The following ARMC2 variants were observed in gnomAD, a reference collection of about 807,000 sequenced individuals.
The protein encoded by ARMC2 is armadillo repeat-containing protein 2.
Under a neutral mutation model 90.3 loss-of-function variants are expected in ARMC2, and 67 were observed. The observed-to-expected ratio is 0.74, with a 90% confidence interval of 0.61 to 0.91. The LOEUF (loss-of-function observed/expected upper bound fraction) is 0.91. ARMC2 is among the 40% of genes least tolerant of loss of function. ARMC2 has a pLI of 0.00. For synonymous variants in ARMC2, 393 were observed against 393.0 expected (o/e 1.00, Z 0.00); for missense variants, 920 against 1,030.9 (o/e 0.89, Z 1.47).
chr6:108,853,643 G>A (rs1425132638), intron 1 of ARMC2, among the ~76,000 whole-genome samples: 8 of 152,104 alleles, frequency 5.3e-5, no homozygotes, highest in Admixed American at 5.2e-4. Flanking sequence ...TTTCAGGAAG[G>A]GGTGTTGGGA....
chr6:108,942,126 A>G (rs1776490732), intron 12 of ARMC2, among the ~76,000 whole-genome samples: 1 of 152,228 alleles, frequency 6.6e-6, no homozygotes, highest in South Asian at 2.1e-4. Flanking sequence ...GTTCCTAAAC[A>G]ACACAGACTT....
intron 11 of ARMC2, among the ~76,000 whole-genome samples, chr6:108,928,744 G>C (rs1219435293): frequency 6.6e-6 from 1 of 152,126 alleles, no homozygotes; most frequent in African/African-American, 2.4e-5. Flanking sequence ...TTTGAATCCA[G>C]GTTGCCTCCA....
At chr6:108,988,707 G>A in the ARMC2 span, 1 of 1,565,400 alleles carries the variant, frequency 6.4e-7, no homozygotes, top group African/African-American at 1.4e-5. Flanking sequence ...GACATAATGA[G>A]AATTATGATA....
chr6:108,858,070 A>C (rs1211780551), intron 2 of ARMC2, 129 bp from the exon 3 acceptor site: 1 of 580,608 alleles, frequency 1.7e-6, no homozygotes, highest in Admixed American at 3.1e-5. Context: ...TAACATGAAA[A>C]AATGTTTTTC....
At position 108,953,143 on chromosome 6, in the gene ARMC2, AT is replaced by A; in HGVS notation, c.1709del (p.Phe570SerfsTer38). The A allele has an allele frequency of 6.2e-7, 1 of 1,614,070 alleles. No homozygotes were observed. The highest frequency in any genetic ancestry group is 8.5e-7 in the Non-Finnish European group (1 of 1,179,902). On this transcript the variant is annotated frameshift_variant, in exon 13 of 18. Transcript: ENST00000392644. LOFTEE classifies it high-confidence loss of function. ...GGAGCATCCAAACTCTGCTGTCATT[AT>A]TCCAGACGTTCCATCAGCTGGATCT... is the stretch of plus-strand genomic sequence containing the variant. Reference protein sequence around the residue: ...KGSIQTLLSLFQTFHQLDLHS... With the variant: ...KGSIQTLLSLXQTFHQLDLHS...
chr6:108,870,301 T>C lies in ARMC2; in HGVS notation c.463+1306T>C, dbSNP rs149170673. Among the ~76,000 whole-genome samples the C allele has an allele frequency of 2.7e-3, 411 of 152,206 alleles. 4 individuals carry two copies. Among genetic ancestry groups the C allele is most frequent in the Admixed American group, 0.026 (392 of 15,280 alleles). On this transcript the variant is annotated intron_variant, in intron 4 of 17. Coordinates refer to ENST00000392644, the MANE Select transcript of ARMC2 (RefSeq NM_032131.6). ...AAGAATCCAGATTTATGACTTCTTG[T>C]GAAAAATCAGAAAATCTGGCAACAC...
chr6:108,979,792 G>C, the ARMC2 span, among the ~76,000 whole-genome samples: 2 of 151,474 alleles, frequency 1.3e-5, no homozygotes, highest in African/African-American at 4.9e-5. Context: ...TATGGCTATT[G>C]ATACTTGTGT....
In ARMC2 at chr6:108,876,914, G is replaced by T. The variant is rs543166315; in HGVS notation, c.671+564G>T. ...ATTTCATACCATGTTCCTAGATAGG[G>T]TTTCCTTGAGAATCAATCTTCCTAC... is the stretch of plus-strand genomic sequence containing the variant. On this transcript the variant is annotated intron_variant, in intron 5 of 17. Transcript: ENST00000392644. Among the ~76,000 whole-genome samples the T allele has an allele frequency of 4.6e-5, 7 of 152,306 alleles. No homozygotes were observed. The South Asian group carries it at 1.4e-3, about 32-fold the overall frequency.
the ARMC2 span, among the ~76,000 whole-genome samples, chr6:108,985,037 C>CA: frequency 1.3e-5 from 2 of 152,116 alleles, no homozygotes; most frequent in South Asian, 4.2e-4. Context: ...CCAGTGTTAG[C>CA]AAAAAACTAG....
rs144489490 is a variant in ARMC2 at position 108,867,889 on chromosome 6, G to A, written c.292-935G>A. 4.1e-3 allele frequency among the ~76,000 whole-genome samples: 620 copies of A among 152,138 alleles called. 2 individuals carry two copies. The highest frequency in any genetic ancestry group is 0.014 in the African/African-American group (580 of 41,522). Reference sequence around the variant, plus strand: ...GCGGAGGTTGCAGTGAGCCGAGATCGCACCATTGCACTCCAGCCTGGGTGA... The same window carrying A: ...GCGGAGGTTGCAGTGAGCCGAGATCACACCATTGCACTCCAGCCTGGGTGA... On this transcript the variant is annotated intron_variant, in intron 3 of 17. Coordinates refer to ENST00000392644, the MANE Select transcript of ARMC2 (RefSeq NM_032131.6).
rs145870285 is a variant in ARMC2, at chr6:108,889,397, C to T, written c.672-5070C>T. ...CTGACCTCAGGCGATCCGCCTGCCT[C>T]GGCCTCCCAAAGTGCTGGGATTACA... On this transcript the variant is annotated intron_variant, in intron 5 of 17. Transcript: ENST00000392644. Among the ~76,000 whole-genome samples the T allele has an allele frequency of 2.1e-3, 314 of 152,008 alleles. 4 individuals are homozygous for T. Among genetic ancestry groups the T allele is most frequent in the African/African-American group, 7.2e-3 (298 of 41,340 alleles).
intron 3 of ARMC2, among the ~76,000 whole-genome samples, chr6:108,864,044 G>A (rs980585980): frequency 6.6e-6 from 1 of 152,152 alleles, no homozygotes; most frequent in African/African-American, 2.4e-5. Flanking sequence ...GGGGATGGGC[G>A]ATCCAGGGTA....
chr6:108,885,680 AAAAAG>A lies in ARMC2; in HGVS notation c.672-8767_672-8763del, dbSNP rs574347948. 6.2e-3 allele frequency among the ~76,000 whole-genome samples: 950 copies of A among 152,070 alleles called. 1 individual carries two copies. Among genetic ancestry groups the A allele is most frequent in the South Asian group, 0.029 (137 of 4,796 alleles). Reference sequence around the variant, plus strand: ...CAGAGTGAGACTCTGTCGCAAAAAAAAAAAGAAAAGAAAAGAAAAGAAAAAGTGAT... The same window carrying A: ...CAGAGTGAGACTCTGTCGCAAAAAAAAAAAGAAAAGAAAAGAAAAAGTGAT... On this transcript the variant is annotated intron_variant, in intron 5 of 17. Coordinates refer to ENST00000392644, the MANE Select transcript of ARMC2 (RefSeq NM_032131.6).
chr6:108,978,753 C>T (rs939160373), downstream of ARMC2, among the ~76,000 whole-genome samples: 4 of 151,850 alleles, frequency 2.6e-5, no homozygotes, highest in African/African-American at 7.3e-5. Context: ...AGGTAATGCC[C>T]TTCTTTGTCT....
At chr6:109,005,034 A>T in the ARMC2 span, among the ~76,000 whole-genome samples, 4 of 152,212 alleles carry the variant, frequency 2.6e-5, no homozygotes, top group East Asian at 7.7e-4. Context: ...TCAAAATTAA[A>T]AAGTCCCATA....
At chr6:109,015,975 C>A in the ARMC2 span, among the ~76,000 whole-genome samples, 1 of 152,030 alleles carries the variant, frequency 6.6e-6, no homozygotes, top group Admixed American at 6.6e-5. Context: ...ATTTTAAATA[C>A]GAGGAATTAG....
chr6:108,924,394 T>C (rs952626107), intron 10 of ARMC2, among the ~76,000 whole-genome samples: 4 of 152,134 alleles, frequency 2.6e-5, no homozygotes, highest in Admixed American at 6.5e-5. Flanking sequence ...GGTGCTTGCC[T>C]GTAATCCCAG....
chr6:108,873,744 T>C (rs1776666963), intron 4 of ARMC2, among the ~76,000 whole-genome samples: 1 of 152,186 alleles, frequency 6.6e-6, no homozygotes, highest in Non-Finnish European at 1.5e-5. Context: ...TTACGTCTTA[T>C]TAACCATTCA....
chr6:108,880,180 G>A (rs1777383285), intron 5 of ARMC2: 1 of 345,098 alleles, frequency 2.9e-6, no homozygotes. Flanking sequence ...TTACACTGCA[G>A]TATAGGCTTG....
Sources: gnomAD v4.1 joint callset for allele counts (sites outside exome capture counted in the v4.1 genomes callset) on GRCh38, gnomAD v4.1.1 for gene constraint, MANE v1.5 for transcripts, NCBI Gene and HGNC (gene_info 2026-07-23, HGNC 2026-07-21) for gene names.